ADCY7: variants seen among roughly 807,000 people sequenced by gnomAD.
ADCY7 encodes the protein adenylate cyclase 7, also known as adenylate cyclase type 7.
ADCY7 carries 72 observed loss-of-function variants against 120.6 expected under a neutral mutation model. The observed-to-expected ratio is 0.60, with a 90% confidence interval of 0.49 to 0.73. The LOEUF (loss-of-function observed/expected upper bound fraction) is 0.73. Ranked by LOEUF, ADCY7 falls within the 30% of genes least tolerant of loss-of-function variation. The probability of loss-of-function intolerance (pLI) is 0.00; values close to 1 mark genes in which losing one functional copy is unlikely to be tolerated. For synonymous variants in ADCY7, 661 were observed against 628.0 expected (o/e 1.05, Z -0.78); for missense variants, 1,227 against 1,486.0 (o/e 0.83, Z 2.87).
At chr16:50,258,806 T>C (rs1039912261) in intron 1 of ADCY7, among the ~76,000 whole-genome samples, 1 of 152,078 alleles carries the variant, frequency 6.6e-6, no homozygotes, top group African/African-American at 2.4e-5. Context: ...CGGCTGGTCT[T>C]GAACTCCTGG....
At chr16:50,299,980 TG>T (rs991391105) in intron 8 of ADCY7, among the ~76,000 whole-genome samples, 2 of 152,098 alleles carry the variant, frequency 1.3e-5, no homozygotes, top group Non-Finnish European at 2.9e-5. Flanking sequence ...TCCCAGGGAT[TG>T]GGGGGGCATA....
At chr16:50,305,910 G>C in intron 14 of ADCY7, 61 bp downstream of exon 14, 2 of 1,531,146 alleles carry the variant, frequency 1.3e-6, no homozygotes, top group Non-Finnish European at 9.0e-7. Context: ...GGGGTAGGGT[G>C]GGGGACGCAG....
At chr16:50,253,555 A>G (rs1223764281) in intron 1 of ADCY7, among the ~76,000 whole-genome samples, 2 of 152,206 alleles carry the variant, frequency 1.3e-5, no homozygotes, top group Non-Finnish European at 2.9e-5. Flanking sequence ...CACCCAGCCA[A>G]AAATGGGTCC....
At chr16:50,271,979 G>A (rs916403273) in intron 1 of ADCY7, among the ~76,000 whole-genome samples, 2 of 152,134 alleles carry the variant, frequency 1.3e-5, no homozygotes, top group Non-Finnish European at 2.9e-5. Flanking sequence ...CCCCACCACC[G>A]CTGACCACTG....
chr16:50,254,890 G>A (rs1286016784), intron 1 of ADCY7, among the ~76,000 whole-genome samples: 1 of 125,176 alleles, frequency 8.0e-6, no homozygotes, highest in Non-Finnish European at 1.6e-5. Context: ...AATAGCTAAA[G>A]TGATCTTGAG....
rs989410184 is a variant in ADCY7 at position 50,278,870 on chromosome 16, CTCTCTTTTTTT to C, written c.-268-9040_-268-9030del. On this transcript the variant is annotated intron_variant, in intron 1 of 25. Transcript: ENST00000673801. ...GCCCGTGAAATGGATCTCTCTCTCT[CTCTCTTTTTTT>C]TTTTTTTTTTGGCAGAGCCTCACTC... Among the ~76,000 whole-genome samples, 5 of 117,958 alleles carry C rather than the reference CTCTCTTTTTTT, an allele frequency of 4.2e-5. No homozygotes were observed. The South Asian group carries it at 1.3e-3, about 32-fold the overall frequency. 77.4% of individuals were successfully genotyped at this position (117,958 alleles called of 152,430 possible).
At chr16:50,275,220 G>A (rs1021474197) in intron 1 of ADCY7, among the ~76,000 whole-genome samples, 1 of 152,240 alleles carries the variant, frequency 6.6e-6, no homozygotes, top group East Asian at 1.9e-4. Flanking sequence ...TAAGCTCAGG[G>A]TAGGTGTCCT....
At chr16:50,246,383 G>A (rs1324141015) in intron 1 of ADCY7, among the ~76,000 whole-genome samples, 4 of 152,032 alleles carry the variant, frequency 2.6e-5, no homozygotes, top group African/African-American at 9.6e-5. Context: ...TGCCCGGGTG[G>A]GTCGGAAATG....
chr16:50,289,817 C>T (rs191794670), intron 2 of ADCY7, among the ~76,000 whole-genome samples: 2 of 152,370 alleles, frequency 1.3e-5, no homozygotes, highest in East Asian at 3.9e-4. Flanking sequence ...TAGAAGAACA[C>T]TCAGAAACTC....
intron 5 of ADCY7, 36 bp downstream of exon 5, chr16:50,292,861 C>G: frequency 6.2e-7 from 1 of 1,601,494 alleles, no homozygotes; most frequent in East Asian, 2.2e-5. Context: ...CCTGTACACC[C>G]CTGTCCTCTT....
At chr16:50,301,826 A>G (rs1231080133) in intron 10 of ADCY7, 1 of 152,962 alleles carries the variant, frequency 6.5e-6, no homozygotes, top group East Asian at 1.9e-4. Context: ...AGGCTTGCTC[A>G]AGAATGTCGG....
At chr16:50,292,109 C>T (rs2035022332) in intron 4 of ADCY7, among the ~76,000 whole-genome samples, 2 of 152,194 alleles carry the variant, frequency 1.3e-5, no homozygotes, top group African/African-American at 4.8e-5. Flanking sequence ...GCCTAGGGCT[C>T]CCCTGTGGCT....
chr16:50,287,899 T>A lies in ADCY7; in HGVS notation c.-268-13T>A, dbSNP rs1201037893. 3 of 371,840 alleles carry A rather than the reference T, an allele frequency of 8.1e-6. No individual in the cohort carries two copies. Among genetic ancestry groups the A allele is most frequent in the Admixed American group, 4.6e-5 (1 of 21,666 alleles). The allele number at this position is 371,840 out of a possible 1,614,324, so 23.0% of individuals were successfully genotyped here. On this transcript the variant is annotated splice_polypyrimidine_tract_variant and intron_variant, in intron 1 of 25. Transcript: ENST00000673801. ...ACCATTAGGTCAAGTTCCTGTCTGC[T>A]TCGTCTCCGCAGAGCTGAGGAACTG...
Position 50,288,344 on chromosome 16 carries a change from C to T in ADCY7, c.165C>T (p.Ser55=). 6.5e-7 allele frequency: 1 copy of T among 1,545,326 alleles called. No individual in the cohort carries two copies. Among genetic ancestry groups the T allele is most frequent in the South Asian group, 1.2e-5 (1 of 83,724 alleles). ...ACVALIIIAF[S]QGDPSRHQAI... ...TGGCCCTCATCATCATTGCCTTCAGCCAGGGGGTGAGTGAGGGCAGCCCCT... is the reference window on the plus strand; with the variant it reads ...TGGCCCTCATCATCATTGCCTTCAGTCAGGGGGTGAGTGAGGGCAGCCCCT... Residue 55 remains serine, a synonymous_variant, in exon 2 of 26, where the codon AGC becomes AGT. Coordinates refer to ENST00000673801, the MANE Select transcript of ADCY7 (RefSeq NM_001114.5).
At position 50,317,866 on chromosome 16, in the gene ADCY7, G is replaced by A. The variant is rs977392013; in HGVS notation, c.*2361G>A. 5 of 151,700 alleles carry A rather than the reference G, an allele frequency of 3.3e-5. No individual in the cohort carries two copies. The highest frequency in any genetic ancestry group is 1.3e-4 in the Admixed American group (2 of 15,178). The allele number at this position is 151,700 out of a possible 1,614,324, so 9.4% of individuals were successfully genotyped here. On this transcript the variant is annotated 3_prime_UTR_variant, in exon 26 of 26. Transcript: ENST00000673801. ...TAACTTTTGTGAAAATAATACCTAA[G>A]GTTTTCTGGCTTATTGAGGAAATTT...
At chr16:50,253,037 G>A (rs2032805679) in intron 1 of ADCY7, among the ~76,000 whole-genome samples, 1 of 152,136 alleles carries the variant, frequency 6.6e-6, no homozygotes, top group Non-Finnish European at 1.5e-5. Context: ...TGTGGAGTTG[G>A]GGGTCAGGGA....
intron 1 of ADCY7, among the ~76,000 whole-genome samples, chr16:50,285,156 T>C (rs2034503726): frequency 6.6e-6 from 1 of 152,236 alleles, no homozygotes; most frequent in Non-Finnish European, 1.5e-5. Flanking sequence ...CATTTAAAAA[T>C]CATCATTTCA....
At chr16:50,295,263 C>T (rs914582445) in intron 7 of ADCY7, among the ~76,000 whole-genome samples, 15 of 151,718 alleles carry the variant, frequency 9.9e-5, no homozygotes, top group African/African-American at 3.4e-4. Flanking sequence ...ACTGCAGCCT[C>T]GACCTGCCAG....
intron 1 of ADCY7, among the ~76,000 whole-genome samples, chr16:50,282,028 G>A (rs778417846): frequency 5.3e-5 from 8 of 152,152 alleles, no homozygotes; most frequent in Admixed American, 1.3e-4. Context: ...GTGGGCCCAG[G>A]GGCCTGAGCG....
Sources: gnomAD v4.1 joint callset for allele counts (sites outside exome capture counted in the v4.1 genomes callset) on GRCh38, gnomAD v4.1.1 for gene constraint, MANE v1.5 for transcripts, NCBI Gene and HGNC (gene_info 2026-07-23, HGNC 2026-07-21) for gene names.